Variants in SYT1 observed in about 807,000 individuals in gnomAD.
SYT1 encodes the protein synaptotagmin 1.
A neutral mutation model predicts 44.8 loss-of-function variants in SYT1; 8 were observed. The observed-to-expected ratio is 0.18, with a 90% CI of 0.10 to 0.32. SYT1 has a LOEUF of 0.32. Ranked by LOEUF, SYT1 falls within the 10% of genes least tolerant of loss-of-function variation. The probability of loss-of-function intolerance (pLI) is 1.00; values close to 1 mark genes in which losing one functional copy is unlikely to be tolerated. For synonymous variants in SYT1, 154 were observed against 188.8 expected (o/e 0.82, Z 1.51); for missense variants, 286 against 509.3 (o/e 0.56, Z 4.22).
chr12:78,958,201 C>T (rs17204502), intron 1 of SYT1, among the ~76,000 whole-genome samples: 7,198 of 152,246 alleles, frequency 0.047, 216 homozygotes, highest in Admixed American at 0.087. Context: ...AGCACAAACA[C>T]TGCACACAAG....
At chr12:79,290,133 G>A (rs1443246138) in intron 5 of SYT1, among the ~76,000 whole-genome samples, 1 of 152,052 alleles carries the variant, frequency 6.6e-6, no homozygotes, top group Non-Finnish European at 1.5e-5. Context: ...ATATCATGAT[G>A]GCAATTTTCA....
chr12:79,116,883 C>T (rs1285229209), intron 3 of SYT1, among the ~76,000 whole-genome samples: 3 of 152,154 alleles, frequency 2.0e-5, no homozygotes, highest in East Asian at 1.9e-4. Context: ...CAAGTTGCTC[C>T]TCTCCCCCTC....
chr12:79,043,093 G>A (rs1873719908), intron 2 of SYT1, among the ~76,000 whole-genome samples: 1 of 150,422 alleles, frequency 6.6e-6, no homozygotes, highest in South Asian at 2.1e-4. Context: ...TGAAAAAAAT[G>A]TATATTCTGT....
intron 3 of SYT1, among the ~76,000 whole-genome samples, chr12:79,076,420 C>A (rs1287065268): frequency 6.6e-6 from 1 of 151,888 alleles, no homozygotes; most frequent in African/African-American, 2.4e-5. Flanking sequence ...AGAATGTTAC[C>A]AAAATTTTCT....
Position 79,291,840 on chromosome 12 carries a change from G to T in SYT1, c.352-168G>T, listed in dbSNP as rs777981905. 2.5e-5 allele frequency: 22 copies of T among 886,302 alleles called. No individual in the cohort carries two copies. In the East Asian group the frequency reaches 5.8e-4, roughly 23 times the overall value. The allele number at this position is 886,302 out of a possible 1,614,324, so 54.9% of individuals were successfully genotyped here. A position where few individuals can be genotyped will look rare whatever the true frequency, so the allele number is the denominator to read the frequency against. On this transcript the variant is annotated intron_variant, in intron 5 of 10. Transcript: ENST00000261205. Reference sequence around the variant, plus strand: ...GGGAAAGAAATTCCGTGCACAAAAGGAATTTAAAAAATATGTAAGCAGCAA... The same window carrying T: ...GGGAAAGAAATTCCGTGCACAAAAGTAATTTAAAAAATATGTAAGCAGCAA...
intron 3 of SYT1, among the ~76,000 whole-genome samples, chr12:79,085,909 A>C (rs888447098): frequency 6.6e-6 from 1 of 152,122 alleles, no homozygotes; most frequent in Non-Finnish European, 1.5e-5. Context: ...CTTTGTAAAA[A>C]TTAGTGGACA....
chr12:79,066,253 C>A (rs1002281837), intron 3 of SYT1, among the ~76,000 whole-genome samples: 7 of 152,088 alleles, frequency 4.6e-5, no homozygotes, highest in African/African-American at 1.7e-4. Flanking sequence ...AGGGTAAACA[C>A]CACATAGGAT....
chr12:79,179,431 G>GATATAGATATAGATATATCTAT (rs1565842178), intron 3 of SYT1, among the ~76,000 whole-genome samples: 3 of 7,206 alleles, frequency 4.2e-4, no homozygotes, highest in African/African-American at 1.7e-3. Flanking sequence ...TATCTATATA[G>GATATAGATATAGATATATCTAT]ATATATCCAT....
intron 8 of SYT1, among the ~76,000 whole-genome samples, chr12:79,320,252 C>A (rs1436421735): frequency 1.3e-5 from 2 of 152,110 alleles, no homozygotes; most frequent in Non-Finnish European, 2.9e-5. Flanking sequence ...ATCCCAAAAC[C>A]CTGCTTCTCA....
intron 8 of SYT1, among the ~76,000 whole-genome samples, chr12:79,300,125 T>G (rs1880064152): frequency 6.6e-6 from 1 of 152,186 alleles, no homozygotes; most frequent in Non-Finnish European, 1.5e-5. Flanking sequence ...ACATTGTTTA[T>G]TCCCAGTTTT....
At chr12:78,914,029 T>C (rs1226517874) in intron 1 of SYT1, among the ~76,000 whole-genome samples, 3 of 151,886 alleles carry the variant, frequency 2.0e-5, no homozygotes, top group Non-Finnish European at 2.9e-5. Context: ...TTTTTACCTA[T>C]TTCACAATGT....
chr12:78,915,193 A>T (rs769173290), intron 1 of SYT1, among the ~76,000 whole-genome samples: 1 of 152,164 alleles, frequency 6.6e-6, no homozygotes, highest in South Asian at 2.1e-4. Flanking sequence ...ATGCAGTCAG[A>T]TCACTATTTT....
chr12:79,214,628 G>A (rs1592859697), intron 3 of SYT1, among the ~76,000 whole-genome samples: 1 of 152,232 alleles, frequency 6.6e-6, no homozygotes, highest in African/African-American at 2.4e-5. Context: ...AGAAACAACT[G>A]TGTAATCACT....
At chr12:78,999,439 G>A (rs1380953141) in intron 2 of SYT1, among the ~76,000 whole-genome samples, 1 of 152,088 alleles carries the variant, frequency 6.6e-6, no homozygotes. Flanking sequence ...ACCAAAACCA[G>A]GATAACCATG....
intron 3 of SYT1, among the ~76,000 whole-genome samples, chr12:79,063,210 T>C (rs1303613035): frequency 3.3e-5 from 5 of 152,188 alleles, no homozygotes; most frequent in Non-Finnish European, 7.3e-5. Flanking sequence ...TATGACCCTT[T>C]GTTAAGTTAG....
intron 3 of SYT1, among the ~76,000 whole-genome samples, chr12:79,159,300 A>T (rs1468931929): frequency 2.0e-5 from 3 of 152,318 alleles, no homozygotes; most frequent in South Asian, 2.1e-4. Context: ...GTTTTCTAAG[A>T]CTTATCCTGA....
intron 9 of SYT1, among the ~76,000 whole-genome samples, chr12:79,390,562 C>T (rs1170016759): frequency 2.6e-5 from 4 of 151,880 alleles, no homozygotes; most frequent in Non-Finnish European, 4.4e-5. Flanking sequence ...CTAGATGATA[C>T]GCTGCTTGGT....
chr12:78,922,780 G>A (rs955771818), intron 1 of SYT1, among the ~76,000 whole-genome samples: 10 of 151,978 alleles, frequency 6.6e-5, no homozygotes, highest in South Asian at 6.2e-4. Context: ...TGTTCTCTTT[G>A]AATTATAAAG....
intron 3 of SYT1, among the ~76,000 whole-genome samples, chr12:79,084,142 A>T (rs1294616426): frequency 6.6e-6 from 1 of 152,148 alleles, no homozygotes; most frequent in Non-Finnish European, 1.5e-5. Context: ...CCTTTTAAAG[A>T]TTCATTATTT....
Sources: allele counts gnomAD v4.1 joint callset (sites outside exome capture counted in the v4.1 genomes callset), GRCh38; gene constraint gnomAD v4.1.1; transcripts MANE v1.5; gene names NCBI Gene and HGNC (gene_info 2026-07-23, HGNC 2026-07-21).